Variants in DGUOK observed in about 807,000 individuals in gnomAD.
DGUOK encodes deoxyguanosine kinase.
Under a neutral mutation model 36.6 loss-of-function variants are expected in DGUOK, and 30 were observed. That is an observed-to-expected ratio of 0.82 (90% CI 0.61 to 1.11). The LOEUF is 1.11. Among genes scored for constraint, DGUOK ranks in the 50% most tolerant of loss-of-function variants. The pLI is 0.00. For synonymous variants in DGUOK, 145 were observed against 126.3 expected (o/e 1.15, Z -0.99); for missense variants, 361 against 336.4 (o/e 1.07, Z -0.57).
Position 73,950,624 on chromosome 2 carries a change from C to T in DGUOK, c.483C>T (p.Leu161=). 1.2e-6 allele frequency: 2 copies of T among 1,614,176 alleles called. No individual in the cohort carries two copies. The highest frequency in any genetic ancestry group is 1.7e-6 in the Non-Finnish European group (2 of 1,180,022). ...AGAATCTTTTTGAAAATGGTTCCCTCAGTGACATCGAGTGGCATATCTATC... is the reference window on the plus strand; with the variant it reads ...AGAATCTTTTTGAAAATGGTTCCCTTAGTGACATCGAGTGGCATATCTATC... ...FAKNLFENGS[L]SDIEWHIYQD... The change falls in exon 4 of 7, where the codon CTC becomes CTT. Residue 161 remains leucine, a synonymous_variant. Coordinates refer to ENST00000264093, the MANE Select transcript of DGUOK (RefSeq NM_080916.3).
chr2:73,940,932 T>A lies in DGUOK; in HGVS notation c.255+1910T>A, dbSNP rs76050411. Among the ~76,000 whole-genome samples, 949 of 152,372 alleles carry A rather than the reference T, an allele frequency of 6.2e-3. 22 individuals are homozygous for A. Among genetic ancestry groups the A allele is most frequent in the East Asian group, 0.036 (189 of 5,194 alleles). On this transcript the variant is annotated intron_variant, in intron 2 of 6. Coordinates refer to ENST00000264093, the MANE Select transcript of DGUOK (RefSeq NM_080916.3). ...CTCAGAACATATTCCTGTTGTTAAG[T>A]GGTACATGATTGCATGTCCACAATT...
At chr2:73,942,604 T>G (rs1681983750) in intron 2 of DGUOK, among the ~76,000 whole-genome samples, 1 of 152,180 alleles carries the variant, frequency 6.6e-6, no homozygotes, top group Admixed American at 6.5e-5. Flanking sequence ...TTCTCATTAT[T>G]TTTTTATTTG....
chr2:73,958,852 T>C lies in DGUOK; in HGVS notation c.*116T>C. 1.1e-6 allele frequency: 1 copy of C among 872,602 alleles called. No homozygotes were observed. The highest frequency in any genetic ancestry group is 1.9e-6 in the Non-Finnish European group (1 of 513,546). The allele number at this position is 872,602 out of a possible 1,614,324, so 54.1% of individuals were successfully genotyped here. On this transcript the variant is annotated 3_prime_UTR_variant, in exon 7 of 7. Transcript: ENST00000264093. ...AGCCCCTCTCATCCCTGGAGCACTC[T>C]GCCGCTCAAGAGCTGGTTTGTTAAT... is the stretch of plus-strand genomic sequence containing the variant.
chr2:73,938,869 T>C, intron 1 of DGUOK, 41 bp from the exon 2 acceptor site: 1 of 1,381,238 alleles, frequency 7.2e-7, no homozygotes, highest in Non-Finnish European at 1.0e-6. Context: ...CCTTCAGCCC[T>C]GATTTGGGAA....
chr2:73,958,626 T>A, intron 6 of DGUOK, 84 bp from the exon 7 acceptor site: 1 of 1,185,652 alleles, frequency 8.4e-7, no homozygotes, highest in Non-Finnish European at 1.3e-6. Flanking sequence ...CCTCATGGGC[T>A]TGGCTGCATA....
At chr2:73,949,117 A>G (rs1173974802) in intron 3 of DGUOK, among the ~76,000 whole-genome samples, 1 of 151,894 alleles carries the variant, frequency 6.6e-6, no homozygotes, top group Non-Finnish European at 1.5e-5. Flanking sequence ...ATGCCTGGCT[A>G]ATTTTTGTGT....
Position 73,958,788 on chromosome 2 carries a change from T to C in DGUOK, c.*52T>C, listed in dbSNP as rs1381998651. The C allele has an allele frequency of 2.6e-6, 4 of 1,528,000 alleles. No individual in the cohort carries two copies. In the Admixed American group the frequency reaches 6.7e-5, roughly 26 times the overall value. The allele number at this position is 1,528,000 out of a possible 1,614,324, so 94.7% of individuals were successfully genotyped here. ...TCTGGGCTCCCTGACTTTCTGAAGC[T>C]AGAAAAATGTTGTGTCTCCCAACCA... On this transcript the variant is annotated 3_prime_UTR_variant, in exon 7 of 7. Coordinates refer to ENST00000264093, the MANE Select transcript of DGUOK (RefSeq NM_080916.3).
chr2:73,939,314 C>T (rs1190413261), intron 2 of DGUOK, among the ~76,000 whole-genome samples: 1 of 152,152 alleles, frequency 6.6e-6, no homozygotes, highest in African/African-American at 2.4e-5. Flanking sequence ...TTTGTCATTC[C>T]TACACTTAAG....
chr2:73,943,655 T>TG (rs1682073141), intron 2 of DGUOK, among the ~76,000 whole-genome samples: 1 of 151,932 alleles, frequency 6.6e-6, no homozygotes, highest in African/African-American at 2.4e-5. Flanking sequence ...ATTCAGGTTT[T>TG]TTTTTTTTTT....
intron 3 of DGUOK, among the ~76,000 whole-genome samples, chr2:73,948,959 T>A (rs1194178817): frequency 6.6e-6 from 1 of 152,230 alleles, no homozygotes; most frequent in Non-Finnish European, 1.5e-5. Flanking sequence ...TATAAGATCC[T>A]TTTTTGTTTT....
At chr2:73,939,099 T>A in intron 2 of DGUOK, 77 bp downstream of exon 2, 3 of 968,682 alleles carry the variant, frequency 3.1e-6, no homozygotes, top group Non-Finnish European at 5.0e-6. Flanking sequence ...TTACTCTCAG[T>A]GAGTAAAGTA....
chr2:73,946,714 T>C lies in DGUOK; in HGVS notation c.256-5T>C, dbSNP rs974091914. On this transcript the variant is annotated splice_region_variant and splice_polypyrimidine_tract_variant and intron_variant, in intron 2 of 6. Transcript: ENST00000264093. ...AATTTTCTTCTTTTTTTCATCTCCC[T>C]CTAGGCCTGCACTGCCCAAAGTCTT... 2 of 1,614,134 alleles carry C rather than the reference T, an allele frequency of 1.2e-6. No individual in the cohort carries two copies. The highest frequency in any genetic ancestry group is 1.7e-6 in the Non-Finnish European group (2 of 1,180,000).
intron 1 of DGUOK, among the ~76,000 whole-genome samples, chr2:73,931,207 A>G (rs990511932): frequency 6.6e-6 from 1 of 152,218 alleles, no homozygotes; most frequent in Non-Finnish European, 1.5e-5. Flanking sequence ...TGTTTCAGCC[A>G]TAGAAAGCAA....
intron 6 of DGUOK, among the ~76,000 whole-genome samples, 195 bp downstream of exon 6, chr2:73,958,440 G>T (rs764655238): frequency 6.6e-6 from 1 of 152,136 alleles, no homozygotes; most frequent in South Asian, 2.1e-4. Context: ...ACTAATAATT[G>T]TTAAATAATT....
At chr2:73,956,389 C>T (rs1024024761) in intron 4 of DGUOK, among the ~76,000 whole-genome samples, 1 of 152,152 alleles carries the variant, frequency 6.6e-6, no homozygotes, top group Non-Finnish European at 1.5e-5. Flanking sequence ...TTCATACATA[C>T]TGCTTTGAAC....
chr2:73,950,725 C>A lies in DGUOK; in HGVS notation c.584C>A (p.Ser195Tyr). ...CATGGCTTCATCTACCTCCAGGCTT[C>A]TCCCCAGGTAACACTGAACCTACAA... ...TLHGFIYLQASPQVCLKRLYQ... is the reference protein window; with the variant it reads ...TLHGFIYLQAYPQVCLKRLYQ... Residue 195 changes from serine to tyrosine, a missense_variant, in exon 4 of 7, where the codon TCT becomes TAT. By Grantham distance (144) the Ser-to-Tyr change is moderately radical. Coordinates refer to ENST00000264093, the MANE Select transcript of DGUOK (RefSeq NM_080916.3). 1 of 1,614,222 alleles carries A rather than the reference C, an allele frequency of 6.2e-7. No homozygotes were observed. Among genetic ancestry groups the A allele is most frequent in the Non-Finnish European group, 8.5e-7 (1 of 1,180,046 alleles).
intron 3 of DGUOK, 134 bp from the exon 4 acceptor site, chr2:73,950,451 C>A: frequency 1.1e-6 from 1 of 902,234 alleles, no homozygotes; most frequent in Non-Finnish European, 1.8e-6. Flanking sequence ...TGATGAGGAG[C>A]TAGAAAGGTT....
chr2:73,935,597 G>A (rs1348896705), intron 1 of DGUOK, among the ~76,000 whole-genome samples: 1 of 152,150 alleles, frequency 6.6e-6, no homozygotes, highest in African/African-American at 2.4e-5. Flanking sequence ...ACATCTGTGG[G>A]TGGTACCTGG....
intron 2 of DGUOK, among the ~76,000 whole-genome samples, chr2:73,945,648 C>G (rs573125110): frequency 6.6e-6 from 1 of 152,190 alleles, no homozygotes; most frequent in South Asian, 2.1e-4. Flanking sequence ...TGTAGCGCCT[C>G]ATCCACACAG....
Sources: gnomAD v4.1 joint callset for allele counts (sites outside exome capture counted in the v4.1 genomes callset) on GRCh38, gnomAD v4.1.1 for gene constraint, MANE v1.5 for transcripts, NCBI Gene and HGNC (gene_info 2026-07-23, HGNC 2026-07-21) for gene names.